The following RUFY3 variants were observed in gnomAD, a reference collection of about 807,000 sequenced individuals.
RUFY3 encodes RUN and FYVE domain containing 3.
A neutral mutation model predicts 84.0 loss-of-function variants in RUFY3; 34 were observed. The ratio of observed to expected loss-of-function variants is 0.40; its 90% CI spans 0.31 to 0.54. The LOEUF is 0.54. Ranked by LOEUF, RUFY3 falls within the 20% of genes least tolerant of loss-of-function variation. RUFY3 has a pLI of 0.39. For missense variants in RUFY3, 507 were observed against 736.8 expected (o/e 0.69, Z 3.61); for synonymous variants, 242 against 252.9 (o/e 0.96, Z 0.41).
chr4:70,792,845 A>G, intron 12 of RUFY3: 1 of 985,352 alleles, frequency 1.0e-6, no homozygotes, highest in Non-Finnish European at 1.2e-6. Flanking sequence ...GTGCTCTTGA[A>G]CTTATTTTAA....
At chr4:70,748,187 TC>T (rs1362574833) in intron 1 of RUFY3, among the ~76,000 whole-genome samples, 1 of 152,188 alleles carries the variant, frequency 6.6e-6, no homozygotes, top group Non-Finnish European at 1.5e-5. Context: ...CTACAGTGGT[TC>T]CCATTGCTTC....
chr4:70,726,628 TC>T (rs1396225806), intron 1 of RUFY3, among the ~76,000 whole-genome samples: 2 of 152,226 alleles, frequency 1.3e-5, no homozygotes, highest in African/African-American at 2.4e-5. Context: ...CGCCTCAGCT[TC>T]CCAGAGTGCT....
chr4:70,725,510 TA>T (rs1241299768), intron 1 of RUFY3, among the ~76,000 whole-genome samples: 1 of 152,138 alleles, frequency 6.6e-6, no homozygotes, highest in African/African-American at 2.4e-5. Context: ...TTTGTATTTT[TA>T]GTAGAGACGG....
intron 1 of RUFY3, among the ~76,000 whole-genome samples, chr4:70,730,782 T>C (rs1560459650): frequency 6.6e-6 from 1 of 151,868 alleles, no homozygotes; most frequent in Non-Finnish European, 1.5e-5. Flanking sequence ...CATTCAAGGG[T>C]GTAATAACCG....
At chr4:70,796,421 A>G (rs1202577963) in intron 14 of RUFY3, among the ~76,000 whole-genome samples, 5 of 152,186 alleles carry the variant, frequency 3.3e-5, no homozygotes, top group Non-Finnish European at 7.3e-5. Flanking sequence ...TGAAGTTGTT[A>G]CATCTCCTGT....
At chr4:70,745,024 G>A (rs556077156) in intron 1 of RUFY3, among the ~76,000 whole-genome samples, 6 of 150,812 alleles carry the variant, frequency 4.0e-5, no homozygotes, top group African/African-American at 1.5e-4. Flanking sequence ...GTGCAATCTC[G>A]GCTCACTGCA....
Position 70,775,152 on chromosome 4 carries a change from C to A in RUFY3, c.759-16C>A. 6.4e-7 allele frequency: 1 copy of A among 1,570,100 alleles called. No homozygotes were observed. Among genetic ancestry groups the A allele is most frequent in the Non-Finnish European group, 8.7e-7 (1 of 1,149,360 alleles). ...ATGTTATTTATTTTATTTCTATTTT[C>A]TTCCCCTTCCCCCAGAGACGGTCAG... On this transcript the variant is annotated splice_polypyrimidine_tract_variant and intron_variant, in intron 6 of 17. Coordinates refer to ENST00000381006, the MANE Select transcript of RUFY3 (RefSeq NM_001037442.4).
At chr4:70,782,807 G>T (rs958475116) in intron 8 of RUFY3, among the ~76,000 whole-genome samples, 1 of 152,020 alleles carries the variant, frequency 6.6e-6, no homozygotes, top group Non-Finnish European at 1.5e-5. Context: ...CAGCTACTTG[G>T]GAGGCTAAGG....
intron 1 of RUFY3, among the ~76,000 whole-genome samples, chr4:70,756,682 A>G (rs1724073179): frequency 6.6e-6 from 1 of 152,140 alleles, no homozygotes; most frequent in Admixed American, 6.5e-5. Context: ...GAGGATTTAT[A>G]GAAACACACG....
At chr4:70,706,752 G>T (rs2148549229) in intron 1 of RUFY3, among the ~76,000 whole-genome samples, 1 of 152,340 alleles carries the variant, frequency 6.6e-6, no homozygotes, top group East Asian at 1.9e-4. Context: ...GTGTGTTGGA[G>T]TGGTCTGCAC....
intron 15 of RUFY3, 75 bp from the exon 16 acceptor site, chr4:70,802,881 G>A (rs1330079547): frequency 3.8e-6 from 4 of 1,065,314 alleles, no homozygotes; most frequent in East Asian, 4.8e-5. Context: ...TGTATTCTGA[G>A]CTTTTTATTG....
upstream of RUFY3, among the ~76,000 whole-genome samples, chr4:70,720,607 A>G (rs748683657): frequency 6.6e-6 from 1 of 152,162 alleles, no homozygotes; most frequent in Non-Finnish European, 1.5e-5. Context: ...AACAATATTC[A>G]AGGAGAATTT....
At chr4:70,713,128 A>T (rs1051810419) in intron 1 of RUFY3, among the ~76,000 whole-genome samples, 82 of 152,116 alleles carry the variant, frequency 5.4e-4, no homozygotes, top group African/African-American at 1.9e-3. Flanking sequence ...GGTTTAGCTG[A>T]TTCTCCTGCC....
chr4:70,767,370 A>G (rs1726155054), intron 4 of RUFY3, among the ~76,000 whole-genome samples: 1 of 146,924 alleles, frequency 6.8e-6, no homozygotes, highest in Non-Finnish European at 1.5e-5. Context: ...TTGACCTCCC[A>G]AAGTGCTGGG....
chr4:70,744,676 T>C (rs1459229303), intron 1 of RUFY3, among the ~76,000 whole-genome samples: 1 of 141,820 alleles, frequency 7.1e-6, no homozygotes, highest in Non-Finnish European at 1.6e-5. Flanking sequence ...TTTTTTGAGA[T>C]GGAGTTTCGC....
At chr4:70,780,976 A>G (rs1300186797) in intron 8 of RUFY3, among the ~76,000 whole-genome samples, 1 of 152,016 alleles carries the variant, frequency 6.6e-6, no homozygotes, top group Non-Finnish European at 1.5e-5. Flanking sequence ...AAGGCCAGGC[A>G]CAGTGGCTCA....
intron 1 of RUFY3, among the ~76,000 whole-genome samples, chr4:70,724,672 G>A (rs1010611124): frequency 1.9e-4 from 29 of 152,260 alleles, no homozygotes; most frequent in African/African-American, 6.5e-4. Flanking sequence ...GAGAAATGCC[G>A]ACAGTGCATT....
intron 7 of RUFY3, among the ~76,000 whole-genome samples, chr4:70,776,807 A>G (rs1365666109): frequency 6.6e-6 from 1 of 152,214 alleles, no homozygotes; most frequent in African/African-American, 2.4e-5. Flanking sequence ...AAAATTAGAG[A>G]AAGAAAGCAT....
At chr4:70,708,755 A>G (rs1249989797) in intron 1 of RUFY3, among the ~76,000 whole-genome samples, 1 of 152,154 alleles carries the variant, frequency 6.6e-6, no homozygotes, top group African/African-American at 2.4e-5. Flanking sequence ...GAATAGCAAA[A>G]ATGTGTGAGA....
Sources: gnomAD v4.1 joint callset for allele counts (sites outside exome capture counted in the v4.1 genomes callset) on GRCh38, gnomAD v4.1.1 for gene constraint, MANE v1.5 for transcripts, NCBI Gene and HGNC (gene_info 2026-07-23, HGNC 2026-07-21) for gene names.